Variants in OCA2 observed in about 807,000 individuals in gnomAD.
OCA2 encodes P protein.
A neutral mutation model predicts 100.2 loss-of-function variants in OCA2; 77 were observed. The observed-to-expected ratio is 0.77, with a 90% CI of 0.64 to 0.93. The LOEUF (loss-of-function observed/expected upper bound fraction) is 0.93. OCA2 is among the 40% of genes least tolerant of loss of function. OCA2 has a pLI of 0.00. For synonymous variants in OCA2, 432 were observed against 439.2 expected (o/e 0.98, Z 0.21); for missense variants, 1,062 against 1,089.1 (o/e 0.98, Z 0.35).
intron 2 of OCA2, among the ~76,000 whole-genome samples, chr15:28,073,668 T>G (rs1039806441): frequency 6.6e-6 from 1 of 152,158 alleles, no homozygotes; most frequent in Admixed American, 6.5e-5. Context: ...ATGACCTAGG[T>G]GACGGGATCC....
the OCA2 span, among the ~76,000 whole-genome samples, chr15:27,742,401 C>T: frequency 6.6e-6 from 1 of 152,130 alleles, no homozygotes; most frequent in African/African-American, 2.4e-5. Flanking sequence ...AAGGTGGGAC[C>T]AGCCCAGACC....
At chr15:27,963,857 C>T (rs1048945381) in intron 15 of OCA2, among the ~76,000 whole-genome samples, 20 of 151,688 alleles carry the variant, frequency 1.3e-4, no homozygotes, top group Admixed American at 9.8e-4. Context: ...ATAAACCAAC[C>T]AAAGAGAGAG....
chr15:27,902,841 G>C (rs1309638600), intron 19 of OCA2, among the ~76,000 whole-genome samples: 1 of 152,236 alleles, frequency 6.6e-6, no homozygotes, highest in African/African-American at 2.4e-5. Context: ...CAGAGGGACA[G>C]AGTCAGAGTG....
At chr15:27,719,890 GTCTC>G in the OCA2 span, among the ~76,000 whole-genome samples, 1 of 152,124 alleles carries the variant, frequency 6.6e-6, no homozygotes. Context: ...TGTCACTCAT[GTCTC>G]TCTTTCTCCT....
At chr15:27,827,269 G>A (rs1233012880) in intron 23 of OCA2, among the ~76,000 whole-genome samples, 1 of 152,208 alleles carries the variant, frequency 6.6e-6, no homozygotes, top group Non-Finnish European at 1.5e-5. Context: ...CTGACAGCCA[G>A]GACTGGGAAA....
chr15:27,840,217 A>G (rs1313538119), intron 23 of OCA2, among the ~76,000 whole-genome samples: 1 of 152,146 alleles, frequency 6.6e-6, no homozygotes, highest in African/African-American at 2.4e-5. Flanking sequence ...AGGGAATGAT[A>G]AAGAAAAATG....
intron 1 of OCA2, among the ~76,000 whole-genome samples, chr15:28,082,254 G>T (rs185336034): frequency 6.6e-6 from 1 of 152,180 alleles, no homozygotes; most frequent in Non-Finnish European, 1.5e-5. Flanking sequence ...TCAGCAGGAC[G>T]TGGGCGGGGA....
intron 1 of OCA2, among the ~76,000 whole-genome samples, chr15:28,085,341 T>C (rs958254426): frequency 1.3e-5 from 2 of 151,932 alleles, no homozygotes; most frequent in African/African-American, 4.8e-5. Flanking sequence ...AAGAAGGAAA[T>C]AGAAGCTACT....
At chr15:27,866,743 G>T (rs916608843) in intron 21 of OCA2, among the ~76,000 whole-genome samples, 1 of 152,304 alleles carries the variant, frequency 6.6e-6, no homozygotes, top group South Asian at 2.1e-4. Context: ...AGGAGAAAGC[G>T]CTGAGGTAGG....
chr15:28,064,763 G>T (rs1168186711), intron 2 of OCA2, among the ~76,000 whole-genome samples: 1 of 151,776 alleles, frequency 6.6e-6, no homozygotes, highest in Non-Finnish European at 1.5e-5. Context: ...TTTTCAGGAG[G>T]TATTAATATG....
intron 17 of OCA2, among the ~76,000 whole-genome samples, chr15:27,953,670 TG>T (rs2040113284): frequency 6.6e-6 from 1 of 152,038 alleles, no homozygotes; most frequent in Admixed American, 6.5e-5. Flanking sequence ...CTGCAGCTCA[TG>T]GAAGTGGAGG....
the OCA2 span, among the ~76,000 whole-genome samples, chr15:27,742,020 G>A: frequency 9.2e-5 from 14 of 152,196 alleles, no homozygotes; most frequent in Non-Finnish European, 2.1e-4. Flanking sequence ...TTCTTTTGCT[G>A]AAAATAATGG....
intron 19 of OCA2, among the ~76,000 whole-genome samples, chr15:27,923,643 G>C (rs1218410929): frequency 1.3e-5 from 2 of 152,114 alleles, no homozygotes; most frequent in Non-Finnish European, 2.9e-5. Context: ...ACACTTATTG[G>C]CTGCGTGTAT....
intron 2 of OCA2, among the ~76,000 whole-genome samples, chr15:28,059,770 C>T (rs900605706): frequency 4.6e-5 from 7 of 152,208 alleles, no homozygotes; most frequent in East Asian, 1.9e-4. Flanking sequence ...AGCTGGAACA[C>T]GCACTGGGTC....
intron 21 of OCA2, among the ~76,000 whole-genome samples, chr15:27,865,205 C>T (rs1415253413): frequency 6.6e-6 from 1 of 152,022 alleles, no homozygotes; most frequent in Non-Finnish European, 1.5e-5. Context: ...CCTGGAATAC[C>T]ACGCGAAGGC....
At chr15:27,736,757 CA>C in the OCA2 span, among the ~76,000 whole-genome samples, 253 of 152,272 alleles carry the variant, frequency 1.7e-3, 2 homozygotes, top group African/African-American at 5.9e-3. Flanking sequence ...AAATACACAG[CA>C]ATTCACAGCC....
rs774961960 is a variant in OCA2, at chr15:28,014,947, G to A, written c.891-18C>T. ...CCGTCTCTCTGCAGAACGAAACAAC[G>A]ACCTTACTGTTCACAAGGTCAACAG... On this transcript the variant is annotated intron_variant, in intron 8 of 23. Transcript: ENST00000354638. 26 of 1,613,714 alleles carry A rather than the reference G, an allele frequency of 1.6e-5. No homozygotes were observed. The South Asian group carries it at 1.6e-4, about 10-fold the overall frequency.
intron 2 of OCA2, among the ~76,000 whole-genome samples, chr15:28,061,724 T>C (rs2043879897): frequency 6.6e-6 from 1 of 152,328 alleles, no homozygotes; most frequent in South Asian, 2.1e-4. Context: ...GAAATAATGT[T>C]CTGTTGTTTA....
At chr15:28,014,094 G>A (rs947714258) in intron 9 of OCA2, among the ~76,000 whole-genome samples, 5 of 152,116 alleles carry the variant, frequency 3.3e-5, no homozygotes, top group Non-Finnish European at 7.4e-5. Flanking sequence ...ACTAGGACGC[G>A]CCTCTAACGG....
Sources: allele counts gnomAD v4.1 joint callset (sites outside exome capture counted in the v4.1 genomes callset), GRCh38; gene constraint gnomAD v4.1.1; transcripts MANE v1.5; gene names NCBI Gene and HGNC (gene_info 2026-07-23, HGNC 2026-07-21).